Variants in ANKRD6 observed in about 807,000 individuals in gnomAD.
ANKRD6 encodes the protein ankyrin repeat domain-containing protein 6.
Under a neutral mutation model 82.3 loss-of-function variants are expected in ANKRD6, and 56 were observed. The ratio of observed to expected loss-of-function variants is 0.68; its 90% CI spans 0.55 to 0.85. The LOEUF (loss-of-function observed/expected upper bound fraction) is 0.85. Ranked by LOEUF, ANKRD6 falls within the 40% of genes least tolerant of loss-of-function variation. ANKRD6 has a pLI of 0.00. For synonymous variants in ANKRD6, 347 were observed against 352.1 expected, an observed-to-expected ratio of 0.99 and a Z score of 0.16; for missense variants, 852 against 907.6, an observed-to-expected ratio of 0.94 and a Z score of 0.79.
chr6:89,593,733 G>A (rs761548028), intron 2 of ANKRD6, among the ~76,000 whole-genome samples: 15 of 152,204 alleles, frequency 9.9e-5, no homozygotes, highest in Non-Finnish European at 2.1e-4. Flanking sequence ...TTCAGCATGG[G>A]TGGGGCCATG....
chr6:89,571,297 G>T (rs1002352792), intron 2 of ANKRD6, among the ~76,000 whole-genome samples: 3 of 151,986 alleles, frequency 2.0e-5, no homozygotes, highest in Non-Finnish European at 4.4e-5. Flanking sequence ...CTCGTGATCC[G>T]CTGGCCTTGG....
chr6:89,590,728 A>G (rs1794709351), intron 2 of ANKRD6, among the ~76,000 whole-genome samples: 1 of 152,128 alleles, frequency 6.6e-6, no homozygotes, highest in Non-Finnish European at 1.5e-5. Context: ...TGGTAGGGAA[A>G]GCATGCGGCT....
chr6:89,530,641 G>A (rs1374725031), intron 1 of ANKRD6, among the ~76,000 whole-genome samples: 1 of 152,206 alleles, frequency 6.6e-6, no homozygotes, highest in Non-Finnish European at 1.5e-5. Flanking sequence ...GCACCAGGCT[G>A]GCCACTCACA....
chr6:89,597,998 T>A, intron 3 of ANKRD6: 2 of 580,568 alleles, frequency 3.4e-6, no homozygotes, highest in Non-Finnish European at 4.4e-6. Context: ...ATCAGTTATT[T>A]GAAAAAATCT....
intron 1 of ANKRD6, among the ~76,000 whole-genome samples, chr6:89,451,633 C>T (rs567762602): frequency 6.6e-6 from 1 of 152,162 alleles, no homozygotes; most frequent in Admixed American, 6.5e-5. Context: ...CCTTTATGCT[C>T]AGTGCATTTC....
At chr6:89,435,047 T>C (rs1053858115) in intron 1 of ANKRD6, among the ~76,000 whole-genome samples, 3 of 152,158 alleles carry the variant, frequency 2.0e-5, no homozygotes, top group Admixed American at 6.5e-5. Context: ...AGTCTCCCAC[T>C]TAAACTCATC....
At chr6:89,472,104 C>G (rs1176321197) in intron 1 of ANKRD6, among the ~76,000 whole-genome samples, 2 of 152,122 alleles carry the variant, frequency 1.3e-5, no homozygotes, top group African/African-American at 2.4e-5. Flanking sequence ...ATGCAGCACT[C>G]CAATCCCTGC....
intron 1 of ANKRD6, among the ~76,000 whole-genome samples, chr6:89,480,812 C>T (rs1293097236): frequency 1.3e-5 from 2 of 148,910 alleles, no homozygotes; most frequent in Admixed American, 6.7e-5. Context: ...CATGGTGGTG[C>T]ATGCCTGTAG....
At chr6:89,608,750 C>G (rs1347246411) in intron 5 of ANKRD6, among the ~76,000 whole-genome samples, 1 of 152,168 alleles carries the variant, frequency 6.6e-6, no homozygotes, top group African/African-American at 2.4e-5. Flanking sequence ...CATCTTAGGA[C>G]ATCTTCAAGT....
chr6:89,472,476 C>T (rs1775591782), intron 1 of ANKRD6, among the ~76,000 whole-genome samples: 1 of 152,152 alleles, frequency 6.6e-6, no homozygotes, highest in Non-Finnish European at 1.5e-5. Context: ...GCTCCCTTGT[C>T]TAATTTTGTT....
chr6:89,542,427 T>A (rs766297789), intron 1 of ANKRD6, among the ~76,000 whole-genome samples: 1 of 152,220 alleles, frequency 6.6e-6, no homozygotes, highest in Non-Finnish European at 1.5e-5. Context: ...TTATTCCTCT[T>A]TCATTTATCT....
chr6:89,601,350 AC>A (rs538634830), intron 3 of ANKRD6, among the ~76,000 whole-genome samples: 18 of 151,626 alleles, frequency 1.2e-4, no homozygotes, highest in African/African-American at 3.9e-4. Flanking sequence ...CAGTGTCCTG[AC>A]CCCCCCTCAC....
chr6:89,588,850 A>C (rs536487992), intron 2 of ANKRD6, among the ~76,000 whole-genome samples: 1 of 152,206 alleles, frequency 6.6e-6, no homozygotes, highest in Non-Finnish European at 1.5e-5. Context: ...TACTAAAAAT[A>C]TAAAATTAGC....
intron 3 of ANKRD6, chr6:89,602,101 G>A (rs564998593): frequency 6.6e-6 from 1 of 152,404 alleles, no homozygotes; most frequent in African/African-American, 2.4e-5. Flanking sequence ...CAGGCCTCCT[G>A]ACCCCTTGTC....
intron 1 of ANKRD6, among the ~76,000 whole-genome samples, chr6:89,479,523 A>G (rs970643797): frequency 6.6e-6 from 1 of 152,094 alleles, no homozygotes; most frequent in Non-Finnish European, 1.5e-5. Context: ...TTTTGTTATT[A>G]TAAATAGTGC....
In ANKRD6 at chr6:89,595,122, G is replaced by A. The variant is rs549646373; in HGVS notation, c.121-794G>A. ...CTCATGCCTGTAATCCTAGCACTTC[G>A]GGAGGCCAAGGCGGGTGGATCATTT... is the stretch of plus-strand genomic sequence containing the variant. On this transcript the variant is annotated intron_variant, in intron 2 of 15. Transcript: ENST00000339746. Among the ~76,000 whole-genome samples, 8 of 152,174 alleles carry A rather than the reference G, an allele frequency of 5.3e-5. No individual in the cohort carries two copies. The South Asian group carries it at 8.3e-4, about 16-fold the overall frequency.
intron 3 of ANKRD6, among the ~76,000 whole-genome samples, chr6:89,599,734 CA>C (rs1796677748): frequency 6.6e-6 from 1 of 152,170 alleles, no homozygotes; most frequent in South Asian, 2.1e-4. Flanking sequence ...TCATGTCTCT[CA>C]CCTCAGAGCC....
Position 89,433,597 on chromosome 6 carries a change from G to T in ANKRD6, c.-144+222G>T, listed in dbSNP as rs909565989. Among the ~76,000 whole-genome samples, 1 of 152,222 alleles carries T rather than the reference G, an allele frequency of 6.6e-6. No individual in the cohort carries two copies. Among genetic ancestry groups the T allele is most frequent in the Non-Finnish European group, 1.5e-5 (1 of 68,028 alleles). On this transcript the variant is annotated intron_variant, in intron 1 of 15. Transcript: ENST00000339746. This position sits in a 1 kb window ranked among gnomAD's most constrained non-coding sequence, Gnocchi z 4.3. ...GTCCCCCCGGGGCGCCTCCCTCTTC[G>T]CCTGGCATCAGTTGCCTCCCTGGAA...
intron 1 of ANKRD6, among the ~76,000 whole-genome samples, chr6:89,493,725 CTT>C (rs763558593): frequency 2.0e-5 from 3 of 152,104 alleles, no homozygotes; most frequent in Non-Finnish European, 2.9e-5. Context: ...CTGTCTGTCT[CTT>C]ATAAGGATAC....
Sources: gnomAD v4.1 joint callset for allele counts (sites outside exome capture counted in the v4.1 genomes callset) on GRCh38, gnomAD v4.1.1 for gene constraint, Gnocchi (gnomAD v3.1) non-coding constraint, MANE v1.5 for transcripts, NCBI Gene and HGNC (gene_info 2026-07-23, HGNC 2026-07-21) for gene names.